The following NTM variants were observed in gnomAD, a reference collection of about 807,000 sequenced individuals.
NTM encodes the protein neurotrimin.
A neutral mutation model predicts 42.1 loss-of-function variants in NTM; 13 were observed. The ratio of observed to expected loss-of-function variants is 0.31; its 90% CI spans 0.20 to 0.49. NTM has a LOEUF of 0.49. NTM is among the 20% of genes least tolerant of loss of function. The pLI is 0.99. For synonymous variants in NTM, 187 were observed against 179.2 expected (o/e 1.04, Z -0.35); for missense variants, 373 against 452.8 (o/e 0.82, Z 1.60).
chr11:131,948,031 A>G (rs750927731), intron 2 of NTM, among the ~76,000 whole-genome samples: 5 of 152,106 alleles, frequency 3.3e-5, no homozygotes, highest in Admixed American at 6.5e-5. Context: ...CCATAAGGCC[A>G]TTGGTGCCCA....
intron 1 of NTM, among the ~76,000 whole-genome samples, chr11:131,623,716 T>C (rs2062809940): frequency 6.6e-6 from 1 of 152,212 alleles, no homozygotes; most frequent in Non-Finnish European, 1.5e-5. Context: ...TGTCCCCCTC[T>C]GGGCCAGGCC....
At chr11:131,822,034 C>T (rs562757718) in intron 1 of NTM, among the ~76,000 whole-genome samples, 8 of 152,226 alleles carry the variant, frequency 5.3e-5, no homozygotes, top group South Asian at 2.1e-4. Flanking sequence ...TCAGGAAAGT[C>T]GAAACACTTT....
In NTM at chr11:131,489,055, G is replaced by A. The variant is rs1472637748; in HGVS notation, c.82+118167G>A. 3.9e-5 allele frequency among the ~76,000 whole-genome samples: 6 copies of A among 152,200 alleles called. No homozygotes were observed. In the East Asian group the frequency reaches 1.2e-3, roughly 29 times the overall value. On this transcript the variant is annotated intron_variant, in intron 1 of 8. Coordinates refer to ENST00000683400, the MANE Select transcript of NTM (RefSeq NM_001352005.2). ...TTAGCATCAAGCTCTGCCTCTGTGA[G>A]GGTTCTTGATTCAAGCCAGAGATCC...
At chr11:132,055,683 C>CAG (rs112247843) in intron 2 of NTM, among the ~76,000 whole-genome samples, 2 of 150,588 alleles carry the variant, frequency 1.3e-5, no homozygotes, top group Admixed American at 6.6e-5. Context: ...GAGAGAGAGA[C>CAG]AGAGAGAGAG....
chr11:132,289,589 C>G (rs1159886481), intron 4 of NTM, among the ~76,000 whole-genome samples: 1 of 152,188 alleles, frequency 6.6e-6, no homozygotes, highest in African/African-American at 2.4e-5. Context: ...CTTAATGTTA[C>G]AAATTTCTTG....
chr11:131,958,497 AATT>A (rs1395425271), intron 2 of NTM, among the ~76,000 whole-genome samples: 1 of 152,172 alleles, frequency 6.6e-6, no homozygotes, highest in Non-Finnish European at 1.5e-5. Flanking sequence ...GAAAACAAGA[AATT>A]ATTTGTATTA....
chr11:132,076,394 A>G (rs542559266), intron 2 of NTM, among the ~76,000 whole-genome samples: 261 of 152,300 alleles, frequency 1.7e-3, no homozygotes, highest in African/African-American at 6.1e-3. Context: ...TTGTGTTCCA[A>G]GGTTGGAGAA....
At chr11:131,670,558 C>G (rs189271041) in intron 1 of NTM, among the ~76,000 whole-genome samples, 1 of 152,186 alleles carries the variant, frequency 6.6e-6, no homozygotes. Flanking sequence ...TCTCTGCCAG[C>G]TGCTCAGTCT....
intron 1 of NTM, among the ~76,000 whole-genome samples, chr11:131,648,640 C>G (rs1476504150): frequency 6.6e-6 from 1 of 152,212 alleles, no homozygotes; most frequent in Non-Finnish European, 1.5e-5. Context: ...GCGACAAGTA[C>G]AGCTTCAGAC....
chr11:132,298,564 C>T lies in NTM; in HGVS notation c.527-9125C>T, dbSNP rs954923378. ...AAGCCACATCTGCAAAGAAAACCCA[C>T]GTCATGTTGTTATGGGAAGGGATGG... is the stretch of plus-strand genomic sequence containing the variant. On this transcript the variant is annotated intron_variant, in intron 4 of 8. Coordinates refer to ENST00000683400, the MANE Select transcript of NTM (RefSeq NM_001352005.2). Among the ~76,000 whole-genome samples the T allele has an allele frequency of 6.6e-5, 10 of 152,142 alleles. No homozygotes were observed. In the East Asian group the frequency reaches 7.7e-4, roughly 12 times the overall value.
chr11:131,450,908 C>A (rs1950430336), intron 1 of NTM, among the ~76,000 whole-genome samples: 1 of 151,920 alleles, frequency 6.6e-6, no homozygotes, highest in African/African-American at 2.4e-5. Flanking sequence ...AATAAATAAA[C>A]CTTTTTTTTT....
chr11:131,803,701 C>T (rs1321560115), intron 1 of NTM, among the ~76,000 whole-genome samples: 2 of 152,180 alleles, frequency 1.3e-5, no homozygotes, highest in Non-Finnish European at 2.9e-5. Context: ...CCAGCTGCTC[C>T]TCTCTGTGAA....
chr11:131,658,187 G>A (rs905738610), intron 1 of NTM, among the ~76,000 whole-genome samples: 26 of 152,020 alleles, frequency 1.7e-4, no homozygotes, highest in African/African-American at 4.4e-4. Context: ...TCTGTCCACC[G>A]TACACAGAAA....
At chr11:132,086,453 C>T (rs2059726741) in intron 2 of NTM, among the ~76,000 whole-genome samples, 1 of 152,008 alleles carries the variant, frequency 6.6e-6, no homozygotes, top group South Asian at 2.1e-4. Context: ...TTTAAATATA[C>T]CTATAACTTG....
chr11:131,803,185 A>G (rs2092269506), intron 1 of NTM, among the ~76,000 whole-genome samples: 1 of 152,106 alleles, frequency 6.6e-6, no homozygotes, highest in South Asian at 2.1e-4. Context: ...CTTAATTGAG[A>G]GGGGACATTA....
intron 4 of NTM, among the ~76,000 whole-genome samples, chr11:132,261,991 G>T (rs549814813): frequency 6.6e-6 from 1 of 152,354 alleles, no homozygotes; most frequent in Admixed American, 6.5e-5. Flanking sequence ...AGCACTCCAA[G>T]TCTGTGGTCT....
intron 1 of NTM, among the ~76,000 whole-genome samples, chr11:131,646,547 T>C (rs73592225): frequency 6.6e-6 from 1 of 152,210 alleles, no homozygotes; most frequent in Non-Finnish European, 1.5e-5. Context: ...ATATGCAGAT[T>C]TTAGATGAAG....
At chr11:132,025,759 G>A (rs2075085737) in intron 2 of NTM, among the ~76,000 whole-genome samples, 1 of 152,146 alleles carries the variant, frequency 6.6e-6, no homozygotes, top group Admixed American at 6.5e-5. Context: ...TGATTATTGA[G>A]GAATAGCTTT....
intron 2 of NTM, among the ~76,000 whole-genome samples, chr11:132,096,320 G>T (rs1032814534): frequency 6.6e-6 from 1 of 152,168 alleles, no homozygotes; most frequent in Admixed American, 6.5e-5. Flanking sequence ...ATTTCCTAGT[G>T]CAACCTCTCT....
Sources: gnomAD v4.1 joint callset for allele counts (sites outside exome capture counted in the v4.1 genomes callset) on GRCh38, gnomAD v4.1.1 for gene constraint, MANE v1.5 for transcripts, NCBI Gene and HGNC (gene_info 2026-07-23, HGNC 2026-07-21) for gene names.